The following SMIM27 variants were observed in gnomAD, a reference collection of about 807,000 sequenced individuals.
The protein encoded by SMIM27 is transition zone microprotein 1.
In SMIM27, 3 loss-of-function variants were observed where a neutral mutation model predicts 1.8. The observed-to-expected ratio is 1.65, with a 90% CI of 0.75 to 4.28. The LOEUF is 4.28. Among genes scored for constraint, SMIM27 ranks in the 30% most tolerant of loss-of-function variants. The probability of loss-of-function intolerance (pLI) is 0.02; values close to 1 mark genes in which losing one functional copy is unlikely to be tolerated. For synonymous variants in SMIM27, 19 were observed against 13.9 expected, an observed-to-expected ratio of 1.37 and a Z score of -0.82; for missense variants, 63 against 37.0, an observed-to-expected ratio of 1.70 and a Z score of -1.83.
downstream of SMIM27, among the ~76,000 whole-genome samples, chr9:32,554,307 C>T (rs1821393303): frequency 6.6e-6 from 1 of 152,144 alleles, no homozygotes; most frequent in East Asian, 1.9e-4. Context: ...AGGTAATGTA[C>T]CCCCAGCAAC....
At chr9:32,554,494 A>C (rs1821400229), downstream of SMIM27, among the ~76,000 whole-genome samples, 1 of 152,198 alleles carries the variant, frequency 6.6e-6, no homozygotes, top group Non-Finnish European at 1.5e-5. Context: ...CTCCACTGAC[A>C]AGCTGTATAG....
upstream of SMIM27, chr9:32,551,777 C>CACTTGT (rs1323956303): frequency 2.2e-6 from 1 of 452,022 alleles, no homozygotes; most frequent in African/African-American, 2.0e-5. Context: ...GCTCAACAAA[C>CACTTGT]ACTTGTTGCT....
At chr9:32,557,304 C>T (rs1184633451), downstream of SMIM27, among the ~76,000 whole-genome samples, 1 of 149,284 alleles carries the variant, frequency 6.7e-6, no homozygotes, top group Non-Finnish European at 1.5e-5. Flanking sequence ...GCTGGGATTA[C>T]AGGCGTGCAC....
chr9:32,566,135 T>C (rs1821781239), intron 1 of SMIM27: 1 of 609,380 alleles, frequency 1.6e-6, no homozygotes, highest in Non-Finnish European at 3.0e-6. Context: ...GACGAGAATA[T>C]GGTGTGTATA....
chr9:32,551,440 TAA>T, upstream of SMIM27: 1 of 302,512 alleles, frequency 3.3e-6, no homozygotes, highest in Non-Finnish European at 6.6e-6. Context: ...CAGTATCCTA[TAA>T]AGTCTTCAGA....
upstream of SMIM27, chr9:32,552,207 T>A: frequency 1.6e-6 from 1 of 615,504 alleles, no homozygotes; most frequent in Non-Finnish European, 2.9e-6. Context: ...TTTTTAACAT[T>A]TTCTCGTTTA....
chr9:32,552,545 AT>A, intron 1 of SMIM27, 66 bp downstream of exon 1: 1 of 1,433,784 alleles, frequency 7.0e-7, no homozygotes, highest in South Asian at 1.2e-5. Flanking sequence ...GAAAGGCCCT[AT>A]TTCTTCAGCA....
chr9:32,552,224 T>A, upstream of SMIM27: 1 of 608,850 alleles, frequency 1.6e-6, no homozygotes, highest in Non-Finnish European at 2.9e-6. Context: ...TTTATTCCCC[T>A]CTCTAAAAGG....
chr9:32,558,371 A>G (rs1468760417), intron 1 of SMIM27, among the ~76,000 whole-genome samples: 1 of 152,178 alleles, frequency 6.6e-6, no homozygotes, highest in Admixed American at 6.5e-5. Context: ...TTGGCCTCCC[A>G]AAGTGCTGGG....
At chr9:32,554,644 T>G (rs929883976), downstream of SMIM27, among the ~76,000 whole-genome samples, 1 of 152,248 alleles carries the variant, frequency 6.6e-6, no homozygotes, top group Non-Finnish European at 1.5e-5. Flanking sequence ...GACCTGGTAC[T>G]GCTCAGGATT....
At chr9:32,566,278 T>C in intron 1 of SMIM27, 2 of 1,151,248 alleles carry the variant, frequency 1.7e-6, no homozygotes, top group East Asian at 2.3e-5. Flanking sequence ...TTCTCTGAGG[T>C]AGAAAGCAGG....
At chr9:32,553,113 T>C, downstream of SMIM27, 3 of 486,024 alleles carry the variant, frequency 6.2e-6, no homozygotes, top group Non-Finnish European at 1.1e-5. Flanking sequence ...AACAGCAACC[T>C]AAATCTGACA....
chr9:32,558,137 A>C (rs1821522966), intron 1 of SMIM27, among the ~76,000 whole-genome samples: 2 of 41,000 alleles, frequency 4.9e-5, no homozygotes, highest in Admixed American at 2.0e-4. Context: ...TTTGAGACGG[A>C]GTCTCGCTCT....
chr9:32,563,229 G>A lies in SMIM27; in HGVS notation c.46-3162G>A, dbSNP rs143105628. On this transcript the variant is annotated intron_variant, in intron 1 of 1. Coordinates refer to the SMIM27 transcript ENST00000451672. The stretch of plus-strand genomic sequence containing the variant: ...ATTTAGACCCCTTGACTAAGGTGGC[G>A]TCTGCCAGATTTCTCTACTACAAAG... Among the ~76,000 whole-genome samples, 755 of 152,222 alleles carry A rather than the reference G, an allele frequency of 5.0e-3. 9 individuals are homozygous for A. The highest frequency in any genetic ancestry group is 0.017 in the African/African-American group (696 of 41,520).
At chr9:32,566,280 G>C in intron 1 of SMIM27, 7 of 1,152,314 alleles carry the variant, frequency 6.1e-6, no homozygotes, top group Non-Finnish European at 9.2e-6. Flanking sequence ...CTCTGAGGTA[G>C]AAAGCAGGCC....
At chr9:32,554,350 T>G (rs541324771), downstream of SMIM27, among the ~76,000 whole-genome samples, 15 of 152,346 alleles carry the variant, frequency 9.8e-5, no homozygotes, top group African/African-American at 2.6e-4. Context: ...GTTTTCTGAT[T>G]GGCTTACATA....
exon 2 of SMIM27, chr9:32,566,699 G>T: frequency 7.2e-6 from 6 of 836,898 alleles, no homozygotes; most frequent in Non-Finnish European, 1.3e-5. Flanking sequence ...ATCTCAGATA[G>T]CCAGACTTAT....
At chr9:32,556,681 C>T (rs1009255401), downstream of SMIM27, among the ~76,000 whole-genome samples, 5 of 152,004 alleles carry the variant, frequency 3.3e-5, no homozygotes. Flanking sequence ...TTCCTTTGAA[C>T]AGTAAATGGC....
intron 1 of SMIM27, chr9:32,558,840 G>T: frequency 2.8e-6 from 3 of 1,079,922 alleles, no homozygotes; most frequent in Non-Finnish European, 2.7e-6. Context: ...TCTAATAATT[G>T]CTTGGAAAGG....
Sources: allele counts gnomAD v4.1 joint callset (sites outside exome capture counted in the v4.1 genomes callset), GRCh38; gene constraint gnomAD v4.1.1; transcripts MANE v1.5; gene names NCBI Gene and HGNC (gene_info 2026-07-23, HGNC 2026-07-21).